The following RTN4IP1 variants were observed in gnomAD, a reference collection of about 807,000 sequenced individuals.
The protein encoded by RTN4IP1 is NAD(P)H oxidoreductase RTN4IP1, mitochondrial.
Under a neutral mutation model 46.6 loss-of-function variants are expected in RTN4IP1, and 32 were observed. The observed-to-expected ratio is 0.69, with a 90% CI of 0.52 to 0.92. The LOEUF is 0.92. RTN4IP1 is among the 40% of genes least tolerant of loss of function. The pLI is 0.00. For missense variants in RTN4IP1, 424 were observed against 485.8 expected, an observed-to-expected ratio of 0.87 and a Z score of 1.20; for synonymous variants, 167 against 161.8, an observed-to-expected ratio of 1.03 and a Z score of -0.24.
chr6:106,611,927 G>A (rs1466804356), intron 4 of RTN4IP1, among the ~76,000 whole-genome samples: 9 of 152,152 alleles, frequency 5.9e-5, no homozygotes, highest in Non-Finnish European at 1.0e-4. Flanking sequence ...ACCCATAATC[G>A]ACGAAGAACT....
At chr6:106,620,815 T>A (rs977779026) in intron 3 of RTN4IP1, among the ~76,000 whole-genome samples, 18 of 152,270 alleles carry the variant, frequency 1.2e-4, no homozygotes, top group African/African-American at 4.3e-4. Context: ...ACATCAATAT[T>A]CCCATTAGTC....
intron 5 of RTN4IP1, among the ~76,000 whole-genome samples, chr6:106,593,842 ATACGTTGCTTTTCAC>A (rs1429335667): frequency 6.6e-6 from 1 of 152,200 alleles, no homozygotes; most frequent in Non-Finnish European, 1.5e-5. Flanking sequence ...GAGTGTAATG[ATACGTTGCTTTTCAC>A]AGCAAGTCCC....
At chr6:106,598,218 G>A (rs1775850633) in intron 5 of RTN4IP1, among the ~76,000 whole-genome samples, 1 of 152,098 alleles carries the variant, frequency 6.6e-6, no homozygotes, top group South Asian at 2.1e-4. Context: ...CCCAGTAATG[G>A]GATGGCTGGG....
upstream of RTN4IP1, chr6:106,629,656 G>C (rs1274873051): frequency 6.3e-7 from 1 of 1,599,652 alleles, no homozygotes; most frequent in Middle Eastern, 1.7e-4. Flanking sequence ...CCTGGCTCCT[G>C]TGGTGGCAGG....
At position 106,621,457 on chromosome 6, in the gene RTN4IP1, G is replaced by C; in HGVS notation, c.463C>G (p.Leu155Val). 1.2e-6 allele frequency: 2 copies of C among 1,613,944 alleles called. No individual in the cohort carries two copies. The highest frequency in any genetic ancestry group is 1.7e-6 in the Non-Finnish European group (2 of 1,179,876). ...CCACTGACTACAACAAACTCTGAAA[G>C]AGTGCCTTGTTTCCAAGGAGGAACT... is the stretch of plus-strand genomic sequence containing the variant. ...AAVPPWKQGT[L>V]SEFVVVSGNE... The change falls in exon 3 of 9, where the codon CTT becomes GTT. Residue 155 changes from leucine (L) to valine (V), a missense_variant. Transcript: ENST00000369063.
Position 106,629,156 on chromosome 6 carries a change from A to T in RTN4IP1, c.-135T>A. The T allele has an allele frequency of 2.7e-6, 2 of 746,412 alleles. No individual in the cohort carries two copies. The highest frequency in any genetic ancestry group is 4.3e-6 in the Non-Finnish European group (2 of 460,584). The allele number at this position is 746,412 out of a possible 1,614,324, so 46.2% of individuals were successfully genotyped here. A position where few individuals can be genotyped will look rare whatever the true frequency, so the allele number is the denominator to read the frequency against. The stretch of plus-strand genomic sequence containing the variant: ...TTAAGCATGCAAAACGGAGCATTCG[A>T]AAATGAAGCTAATCTAATGGAGAAA... On this transcript the variant is annotated 5_prime_UTR_variant, in exon 1 of 9. Coordinates refer to ENST00000369063, the MANE Select transcript of RTN4IP1 (RefSeq NM_032730.5).
intron 8 of RTN4IP1, among the ~76,000 whole-genome samples, chr6:106,573,574 A>T (rs1417968965): frequency 2.0e-5 from 3 of 152,212 alleles, no homozygotes; most frequent in Admixed American, 1.3e-4. Flanking sequence ...GGCTCTAGAG[A>T]TTTCATCTCA....
intron 5 of RTN4IP1, among the ~76,000 whole-genome samples, chr6:106,597,680 G>A (rs1184228751): frequency 6.7e-6 from 1 of 149,538 alleles, no homozygotes; most frequent in African/African-American, 2.5e-5. Context: ...ATTTTTTTCT[G>A]CATTTTGTTT....
At chr6:106,605,406 C>A (rs994911561) in intron 4 of RTN4IP1, among the ~76,000 whole-genome samples, 1 of 143,260 alleles carries the variant, frequency 7.0e-6, no homozygotes, top group Non-Finnish European at 1.5e-5. Context: ...AGCCTGGCAA[C>A]AGAGCGAGAC....
intron 6 of RTN4IP1, among the ~76,000 whole-genome samples, chr6:106,589,278 G>GAGAAGAAGAAGGAGA (rs34279702): frequency 3.8e-5 from 1 of 26,078 alleles, no homozygotes; most frequent in East Asian, 9.6e-4. Context: ...GAAGAAGAAG[G>GAGAAGAAGAAGGAGA]AGAAGAAGAA....
At chr6:106,589,108 A>AGAAGAAGAG (rs1332220010) in intron 6 of RTN4IP1, among the ~76,000 whole-genome samples, 2 of 115,120 alleles carry the variant, frequency 1.7e-5, no homozygotes, top group African/African-American at 5.9e-5. Context: ...GAAACTCAGA[A>AGAAGAAGAG]GAAGAAGAGG....
At position 106,598,666 on chromosome 6, in the gene RTN4IP1, A is replaced by G. The variant is rs180975373; in HGVS notation, c.669+4208T>C. ...TAGGCTGCCTGTTCACTCTGATGGT[A>G]GTTTCTTTTGCTGTGCAGAAGCTCT... is the stretch of plus-strand genomic sequence containing the variant. On this transcript the variant is annotated intron_variant, in intron 5 of 8. Transcript: ENST00000369063. Among the ~76,000 whole-genome samples, 6 of 152,064 alleles carry G rather than the reference A, an allele frequency of 3.9e-5. No homozygotes were observed. The East Asian group carries it at 1.2e-3, about 29-fold the overall frequency.
chr6:106,605,046 G>A (rs1473169899), intron 4 of RTN4IP1, among the ~76,000 whole-genome samples: 1 of 152,120 alleles, frequency 6.6e-6, no homozygotes, highest in Non-Finnish European at 1.5e-5. Context: ...TCCACCCAAA[G>A]CCTGCCATCC....
At position 106,587,814 on chromosome 6, in the gene RTN4IP1, A is replaced by G; in HGVS notation, c.855T>C (p.Ala285=). 1 of 1,613,892 alleles carries G rather than the reference A, an allele frequency of 6.2e-7. No individual in the cohort carries two copies. Among genetic ancestry groups the G allele is most frequent in the Non-Finnish European group, 8.5e-7 (1 of 1,179,954 alleles). ...CTGACCATTTCTTGAGAAAATCTGG[A>G]GCCCATGTTTCAGTGGATCCGCCAA... is the stretch of plus-strand genomic sequence containing the variant. ...DNVGGSTETW[A]PDFLKKWSGA... Residue 285 remains alanine (A), a synonymous_variant, in exon 7 of 9, where the codon GCT becomes GCC. Coordinates refer to ENST00000369063, the MANE Select transcript of RTN4IP1 (RefSeq NM_032730.5).
chr6:106,616,181 T>A (rs1776351922), intron 4 of RTN4IP1, among the ~76,000 whole-genome samples: 1 of 152,186 alleles, frequency 6.6e-6, no homozygotes, highest in Non-Finnish European at 1.5e-5. Flanking sequence ...CCTCCCAAAG[T>A]GCTGGGATTA....
At chr6:106,604,409 C>T (rs1210119869) in intron 4 of RTN4IP1, among the ~76,000 whole-genome samples, 1 of 152,072 alleles carries the variant, frequency 6.6e-6, no homozygotes, top group African/African-American at 2.4e-5. Context: ...GAAAACAATA[C>T]CCCAGAGTAT....
intron 1 of RTN4IP1, among the ~76,000 whole-genome samples, chr6:106,626,064 T>C (rs7773795): frequency 0.1 from 15,231 of 152,118 alleles, 774 homozygotes; most frequent in East Asian, 0.11. Context: ...GCCGGAATGA[T>C]ATCCCAGAGT....
intron 1 of RTN4IP1, among the ~76,000 whole-genome samples, chr6:106,628,467 CAA>C (rs60052923): frequency 1.5e-5 from 2 of 135,356 alleles, no homozygotes; most frequent in African/African-American, 5.4e-5. Context: ...GACTCAGTCT[CAA>C]AAAAAAAAAA....
chr6:106,618,309 TTATA>T (rs1202028331), intron 4 of RTN4IP1, among the ~76,000 whole-genome samples: 4 of 152,212 alleles, frequency 2.6e-5, no homozygotes, highest in African/African-American at 9.7e-5. Context: ...TTTTAATTTA[TTATA>T]GTTTGACCTA....
Sources: gnomAD v4.1 joint callset for allele counts (sites outside exome capture counted in the v4.1 genomes callset) on GRCh38, gnomAD v4.1.1 for gene constraint, MANE v1.5 for transcripts, NCBI Gene and HGNC (gene_info 2026-07-23, HGNC 2026-07-21) for gene names.